The following PSTPIP2 variants were observed in gnomAD, a reference collection of about 807,000 sequenced individuals.
PSTPIP2 encodes the protein proline-serine-threonine phosphatase-interacting protein 2.
PSTPIP2 carries 33 observed loss-of-function variants against 63.3 expected under a neutral mutation model. The observed-to-expected ratio is 0.52, with a 90% CI of 0.40 to 0.70. The LOEUF (loss-of-function observed/expected upper bound fraction) is 0.70, where lower values mean the gene tolerates loss of function less well. PSTPIP2 is among the 30% of genes least tolerant of loss of function. PSTPIP2 has a pLI of 0.00. For missense variants in PSTPIP2, 312 were observed against 400.7 expected, an observed-to-expected ratio of 0.78 and a Z score of 1.89; for synonymous variants, 125 against 132.7, an observed-to-expected ratio of 0.94 and a Z score of 0.40.
At chr18:46,006,670 G>A (rs1023933959) in intron 5 of PSTPIP2, among the ~76,000 whole-genome samples, 2 of 152,086 alleles carry the variant, frequency 1.3e-5, no homozygotes, top group South Asian at 2.1e-4. Flanking sequence ...CACCGCGCCC[G>A]GCCTCCCTGT....
At chr18:46,036,228 TGTA>T (rs1907975069) in intron 2 of PSTPIP2, among the ~76,000 whole-genome samples, 1 of 151,236 alleles carries the variant, frequency 6.6e-6, no homozygotes, top group South Asian at 2.1e-4. Context: ...ATTGTAACAA[TGTA>T]GTAGTTATAA....
chr18:46,013,824 C>G (rs1311210329), intron 4 of PSTPIP2, among the ~76,000 whole-genome samples: 1 of 152,066 alleles, frequency 6.6e-6, no homozygotes, highest in East Asian at 1.9e-4. Context: ...AGAACTTCAC[C>G]CCAACAGAGA....
chr18:46,001,617 C>T (rs539296320), intron 6 of PSTPIP2, among the ~76,000 whole-genome samples: 3 of 152,268 alleles, frequency 2.0e-5, no homozygotes, highest in South Asian at 4.1e-4. Flanking sequence ...CATCCATCTC[C>T]GTAACTCTTT....
chr18:46,061,758 T>C (rs896305799), intron 1 of PSTPIP2, among the ~76,000 whole-genome samples: 1 of 152,180 alleles, frequency 6.6e-6, no homozygotes, highest in African/African-American at 2.4e-5. Flanking sequence ...GCTTAGGTCT[T>C]TTTGAACCCC....
At chr18:46,013,386 T>C (rs184710510) in intron 4 of PSTPIP2, among the ~76,000 whole-genome samples, 50 of 152,304 alleles carry the variant, frequency 3.3e-4, no homozygotes, top group African/African-American at 1.1e-3. Context: ...TAAGCAAGCA[T>C]TAAACATACT....
intron 1 of PSTPIP2, among the ~76,000 whole-genome samples, chr18:46,053,817 C>T (rs1457192170): frequency 6.6e-6 from 1 of 152,142 alleles, no homozygotes; most frequent in East Asian, 1.9e-4. Flanking sequence ...CACAAGAAGA[C>T]ATGAGGGGAT....
At chr18:46,003,594 A>T (rs1020322015) in intron 6 of PSTPIP2, among the ~76,000 whole-genome samples, 11 of 150,222 alleles carry the variant, frequency 7.3e-5, no homozygotes, top group African/African-American at 1.2e-4. Context: ...TTATTTTTTT[A>T]ATTTTTGGTC....
intron 7 of PSTPIP2, 123 bp from the exon 8 acceptor site, chr18:45,998,962 T>G (rs1568211467): frequency 1.0e-6 from 1 of 968,816 alleles, no homozygotes; most frequent in South Asian, 1.4e-5. Flanking sequence ...GCAAGTCCTG[T>G]GTACATTTCC....
chr18:46,019,070 G>A (rs188221843), intron 3 of PSTPIP2, among the ~76,000 whole-genome samples: 143 of 151,672 alleles, frequency 9.4e-4, no homozygotes, highest in Non-Finnish European at 1.8e-3. Flanking sequence ...TTCCTTAAGC[G>A]AACTCCCTCG....
chr18:46,010,109 G>A (rs1181588508), intron 5 of PSTPIP2, among the ~76,000 whole-genome samples: 1 of 152,192 alleles, frequency 6.6e-6, no homozygotes, highest in African/African-American at 2.4e-5. Context: ...AAAGCAGGAA[G>A]GCTCTTAGGA....
intron 4 of PSTPIP2, among the ~76,000 whole-genome samples, chr18:46,012,749 GCA>G (rs2051813479): frequency 2.0e-5 from 3 of 152,156 alleles, no homozygotes; most frequent in African/African-American, 7.2e-5. Flanking sequence ...CTTCAGCCTG[GCA>G]ACAGAGCGAG....
At chr18:46,018,807 G>A (rs945194807) in intron 3 of PSTPIP2, among the ~76,000 whole-genome samples, 2 of 152,110 alleles carry the variant, frequency 1.3e-5, no homozygotes, top group African/African-American at 2.4e-5. Flanking sequence ...CCTTTGATTC[G>A]TCTTTGGCCT....
At chr18:46,042,125 A>C (rs1908216914) in intron 1 of PSTPIP2, among the ~76,000 whole-genome samples, 1 of 152,188 alleles carries the variant, frequency 6.6e-6, no homozygotes, top group Admixed American at 6.6e-5. Context: ...TAAAATCATC[A>C]AAACTTTTAC....
At chr18:46,067,921 C>T (rs1485785371) in intron 1 of PSTPIP2, among the ~76,000 whole-genome samples, 1 of 152,084 alleles carries the variant, frequency 6.6e-6, no homozygotes, top group Non-Finnish European at 1.5e-5. Flanking sequence ...ATTACAGCAA[C>T]AATCTAAACA....
At chr18:46,048,321 A>C (rs1052245310) in intron 1 of PSTPIP2, among the ~76,000 whole-genome samples, 9 of 152,250 alleles carry the variant, frequency 5.9e-5, no homozygotes, top group Admixed American at 1.3e-4. Flanking sequence ...TACAACCTCC[A>C]GAAGGAGCCA....
intron 1 of PSTPIP2, among the ~76,000 whole-genome samples, chr18:46,050,913 A>T (rs1048248668): frequency 6.7e-6 from 1 of 149,568 alleles, no homozygotes; most frequent in Non-Finnish European, 1.5e-5. Flanking sequence ...CTCAGGCTGG[A>T]GTGCGGTGGT....
At chr18:46,052,081 T>C (rs1447332408) in intron 1 of PSTPIP2, among the ~76,000 whole-genome samples, 2 of 152,066 alleles carry the variant, frequency 1.3e-5, no homozygotes, top group Non-Finnish European at 2.9e-5. Context: ...GGTCCGCAAA[T>C]ATGGGACCAG....
chr18:46,064,476 TTTA>T (rs1392588962), intron 1 of PSTPIP2, among the ~76,000 whole-genome samples: 3 of 147,430 alleles, frequency 2.0e-5, no homozygotes, highest in Non-Finnish European at 3.0e-5. Context: ...TTTTTTTTTT[TTTA>T]AGTAAAGACG....
chr18:46,036,273 TATTA>T (rs547632799), intron 2 of PSTPIP2, among the ~76,000 whole-genome samples: 23 of 151,476 alleles, frequency 1.5e-4, no homozygotes, highest in African/African-American at 4.1e-4. Context: ...TGTTAACAAT[TATTA>T]ATTATTATTG....
Sources: allele counts gnomAD v4.1 joint callset (sites outside exome capture counted in the v4.1 genomes callset), GRCh38; gene constraint gnomAD v4.1.1; transcripts MANE v1.5; gene names NCBI Gene and HGNC (gene_info 2026-07-23, HGNC 2026-07-21).